SIPA1L3: variants seen among roughly 807,000 people sequenced by gnomAD.
The protein encoded by SIPA1L3 is signal-induced proliferation-associated 1-like protein 3.
A neutral mutation model predicts 150.1 loss-of-function variants in SIPA1L3; 59 were observed. That is an observed-to-expected ratio of 0.39 (90% CI 0.32 to 0.49). The LOEUF is 0.49. SIPA1L3 is among the 20% of genes least tolerant of loss of function. The pLI is 0.86. For synonymous variants in SIPA1L3, 1,070 were observed against 1,077.6 expected, an observed-to-expected ratio of 0.99 and a Z score of 0.14; for missense variants, 2,211 against 2,489.5, an observed-to-expected ratio of 0.89 and a Z score of 2.38.
At chr19:38,083,277 A>T (rs1187068010) in intron 3 of SIPA1L3, among the ~76,000 whole-genome samples, 178 bp downstream of exon 3, 3 of 152,198 alleles carry the variant, frequency 2.0e-5, no homozygotes, top group Non-Finnish European at 2.9e-5. Context: ...CCCGGGCCTC[A>T]GCCCTGTGTC....
intron 1 of SIPA1L3, among the ~76,000 whole-genome samples, chr19:38,024,982 C>T (rs755359600): frequency 5.9e-5 from 9 of 152,158 alleles, no homozygotes; most frequent in Non-Finnish European, 1.3e-4. Context: ...TCTTTATTTC[C>T]AGACTCTGCC....
chr19:38,047,621 T>C lies in SIPA1L3; in HGVS notation c.-311+18465T>C, dbSNP rs2145753069. 6.6e-6 allele frequency among the ~76,000 whole-genome samples: 1 copy of C among 152,298 alleles called. No homozygotes were observed. The highest frequency in any genetic ancestry group is 1.9e-4 in the East Asian group (1 of 5,186). On this transcript the variant is annotated intron_variant, in intron 2 of 21. Coordinates refer to ENST00000222345, the MANE Select transcript of SIPA1L3 (RefSeq NM_015073.3). The surrounding 1 kb of genome is among the most constrained non-coding windows in gnomAD (Gnocchi z 4.7). ...AGGCGATCTGTGGGTAGAGCGATGA[T>C]TGAACCCGGGCCGGGCTGACCCCAG...
chr19:37,949,689 A>C, intron 1 of SIPA1L3, among the ~76,000 whole-genome samples: 1 of 149,228 alleles, frequency 6.7e-6, no homozygotes. Context: ...TGGAGAGGGG[A>C]CTCTAGGAAG....
In SIPA1L3 at chr19:38,082,237, G is replaced by A; in HGVS notation, c.672G>A (p.Glu224=). ...AGAGCTTCTTCGACATCCTGAACGA[G>A]TTCCGCAGCGAGCAGCCCGACGCCC... ...PEQSFFDILN[E]FRSEQPDARG... is the part of the protein sequence containing the mutation. Residue 224 remains glutamate (E), a synonymous_variant, in exon 3 of 22, where the codon GAG becomes GAA. Coordinates refer to ENST00000222345, the MANE Select transcript of SIPA1L3 (RefSeq NM_015073.3). The A allele has an allele frequency of 6.2e-7, 1 of 1,601,588 alleles. No individual in the cohort carries two copies.
rs570237319 is a variant in SIPA1L3, at chr19:38,092,757, G to A, written c.1665+3906G>A. The stretch of plus-strand genomic sequence containing the variant: ...GTGTTTGAGGGGGAGACAAAAGGAC[G>A]CAGAACACCTTAGCAAATTATGCTG... On this transcript the variant is annotated intron_variant, in intron 4 of 21. Coordinates refer to ENST00000222345, the MANE Select transcript of SIPA1L3 (RefSeq NM_015073.3). Among the ~76,000 whole-genome samples, 13 of 152,232 alleles carry A rather than the reference G, an allele frequency of 8.5e-5. No individual in the cohort carries two copies. In the South Asian group the frequency reaches 1.4e-3, roughly 17 times the overall value.
chr19:38,099,655 A>G (rs1380676743), intron 4 of SIPA1L3, among the ~76,000 whole-genome samples: 2 of 152,124 alleles, frequency 1.3e-5, no homozygotes. Flanking sequence ...ATGTTGAACA[A>G]ATGAAGGTAG....
chr19:38,112,269 C>A (rs1165377186), intron 8 of SIPA1L3, among the ~76,000 whole-genome samples: 2 of 152,068 alleles, frequency 1.3e-5, no homozygotes, highest in African/African-American at 4.8e-5. Flanking sequence ...CAAGCACATG[C>A]ACATATGCAC....
At chr19:38,096,288 C>T (rs1970379243) in intron 4 of SIPA1L3, among the ~76,000 whole-genome samples, 4 of 152,020 alleles carry the variant, frequency 2.6e-5, no homozygotes, top group South Asian at 2.1e-4. Flanking sequence ...CTCACTCTGT[C>T]GCCTAGGCTG....
intron 2 of SIPA1L3, among the ~76,000 whole-genome samples, chr19:38,051,477 G>A (rs1343813804): frequency 1.3e-5 from 2 of 152,174 alleles, no homozygotes; most frequent in East Asian, 1.9e-4. Context: ...GGATATGCAT[G>A]GTTTTGATGT....
At chr19:37,950,676 C>T (rs1164338426) in intron 1 of SIPA1L3, among the ~76,000 whole-genome samples, 3 of 139,692 alleles carry the variant, frequency 2.1e-5, no homozygotes, top group Admixed American at 7.0e-5. Flanking sequence ...CCTTCTGTGC[C>T]GAGACTGGCG....
chr19:38,002,676 G>A (rs1421298553), intron 1 of SIPA1L3, among the ~76,000 whole-genome samples: 4 of 118,862 alleles, frequency 3.4e-5, no homozygotes, highest in Non-Finnish European at 4.8e-5. Flanking sequence ...CTGAGATCAC[G>A]CCACTGCACT....
chr19:37,927,412 A>T (rs899868548), intron 1 of SIPA1L3, among the ~76,000 whole-genome samples: 4 of 152,086 alleles, frequency 2.6e-5, no homozygotes, highest in African/African-American at 7.2e-5. Context: ...TTGGTCTCCC[A>T]AAGTGCTGGG....
chr19:38,171,275 C>T (rs1000724683), intron 15 of SIPA1L3, among the ~76,000 whole-genome samples: 3 of 151,608 alleles, frequency 2.0e-5, no homozygotes, highest in African/African-American at 4.8e-5. Context: ...CACAGTGGCT[C>T]ATGCCTGTAA....
At chr19:37,961,709 T>C (rs994136078) in intron 1 of SIPA1L3, among the ~76,000 whole-genome samples, 3 of 152,168 alleles carry the variant, frequency 2.0e-5, no homozygotes, top group African/African-American at 7.2e-5. Context: ...TTTTTTTTTC[T>C]GGCACTTTCT....
At chr19:38,035,284 TCCAA>T (rs1321607263) in intron 2 of SIPA1L3, among the ~76,000 whole-genome samples, 1 of 152,200 alleles carries the variant, frequency 6.6e-6, no homozygotes, top group Non-Finnish European at 1.5e-5. Context: ...CATCCATCCT[TCCAA>T]CCAACCATCA....
chr19:37,997,930 G>T (rs1029124265), intron 1 of SIPA1L3, among the ~76,000 whole-genome samples: 4 of 151,970 alleles, frequency 2.6e-5, no homozygotes, highest in Non-Finnish European at 4.4e-5. Flanking sequence ...TAGAGCACTG[G>T]TCTCCCAATT....
intron 1 of SIPA1L3, among the ~76,000 whole-genome samples, chr19:38,007,056 G>A (rs192448740): frequency 6.6e-6 from 1 of 152,188 alleles, no homozygotes; most frequent in African/African-American, 2.4e-5. Flanking sequence ...GATGGCTCCC[G>A]CCTATAACCC....
chr19:37,952,969 C>T (rs978985717), intron 1 of SIPA1L3, among the ~76,000 whole-genome samples: 10 of 151,776 alleles, frequency 6.6e-5, no homozygotes, highest in South Asian at 2.1e-4. Context: ...CGGTGGCTCA[C>T]GCCTGTAATC....
At chr19:38,142,276 G>C (rs185783603) in intron 11 of SIPA1L3, among the ~76,000 whole-genome samples, 3 of 152,344 alleles carry the variant, frequency 2.0e-5, no homozygotes, top group Non-Finnish European at 4.4e-5. Context: ...CTTGTCCCCA[G>C]GGGGCAGAGG....
Sources: gnomAD v4.1 joint callset for allele counts (sites outside exome capture counted in the v4.1 genomes callset) on GRCh38, gnomAD v4.1.1 for gene constraint, Gnocchi (gnomAD v3.1) non-coding constraint, MANE v1.5 for transcripts, NCBI Gene and HGNC (gene_info 2026-07-23, HGNC 2026-07-21) for gene names.